The following UBE2F variants were observed in gnomAD, a reference collection of about 807,000 sequenced individuals.
UBE2F encodes ubiquitin conjugating enzyme E2 F (putative), also known as NEDD8-conjugating enzyme UBE2F.
A neutral mutation model predicts 29.6 loss-of-function variants in UBE2F; 5 were observed. That is an observed-to-expected ratio of 0.17 (90% CI 0.09 to 0.36). The LOEUF is 0.36. UBE2F is among the 10% of genes least tolerant of loss of function. UBE2F has a pLI of 1.00. For missense variants in UBE2F, 141 were observed against 228.5 expected, an observed-to-expected ratio of 0.62 and a Z score of 2.47; for synonymous variants, 66 against 81.8, an observed-to-expected ratio of 0.81 and a Z score of 1.04.
At chr2:238,003,896 C>T (rs1373686175) in intron 4 of UBE2F, among the ~76,000 whole-genome samples, 1 of 152,188 alleles carries the variant, frequency 6.6e-6, no homozygotes, top group Non-Finnish European at 1.5e-5. Flanking sequence ...AAAGTTGCCT[C>T]GATCTGCTTT....
chr2:238,005,660 C>G (rs2326004), intron 4 of UBE2F, among the ~76,000 whole-genome samples: 130,251 of 151,698 alleles, frequency 0.86, 56,073 homozygotes, highest in East Asian at 0.97. Flanking sequence ...ATTTGTTGAA[C>G]AGGGTTTTCC....
chr2:238,031,690 G>A (rs1379564528), intron 7 of UBE2F, among the ~76,000 whole-genome samples: 1 of 152,224 alleles, frequency 6.6e-6, no homozygotes, highest in Admixed American at 6.5e-5. Flanking sequence ...CTGGCTTTCA[G>A]TTTTATTTAA....
chr2:238,011,349 C>T (rs1175042652), intron 4 of UBE2F, among the ~76,000 whole-genome samples: 1 of 152,228 alleles, frequency 6.6e-6, no homozygotes, highest in Non-Finnish European at 1.5e-5. Context: ...GTGTCCTTCA[C>T]CCCAGTACCC....
chr2:237,976,405 C>T (rs561386200), intron 2 of UBE2F, among the ~76,000 whole-genome samples: 52 of 152,352 alleles, frequency 3.4e-4, no homozygotes, highest in African/African-American at 9.4e-4. Context: ...CTTTTGTATA[C>T]TGAGCACTTA....
chr2:237,987,067 G>C (rs1292355993), intron 2 of UBE2F, among the ~76,000 whole-genome samples: 2 of 152,110 alleles, frequency 1.3e-5, no homozygotes, highest in African/African-American at 4.8e-5. Context: ...TGAATCTGTA[G>C]ATTGCTTTGG....
At chr2:238,024,016 G>T (rs1173499245) in intron 5 of UBE2F, among the ~76,000 whole-genome samples, 3 of 152,162 alleles carry the variant, frequency 2.0e-5, no homozygotes, top group Non-Finnish European at 4.4e-5. Flanking sequence ...ACTCGGGCAG[G>T]TGTACCATGG....
intron 4 of UBE2F, among the ~76,000 whole-genome samples, chr2:238,001,815 G>C (rs1000681288): frequency 6.6e-6 from 1 of 151,858 alleles, no homozygotes; most frequent in African/African-American, 2.4e-5. Context: ...GCAAGACTCC[G>C]TCTCAACAAA....
At chr2:238,019,879 C>T (rs1226728724) in intron 5 of UBE2F, among the ~76,000 whole-genome samples, 1 of 151,916 alleles carries the variant, frequency 6.6e-6, no homozygotes, top group African/African-American at 2.4e-5. Flanking sequence ...GGGTTGGTCT[C>T]GAACTCCTGA....
intron 2 of UBE2F, among the ~76,000 whole-genome samples, chr2:237,976,050 T>TA (rs2063276617): frequency 6.6e-6 from 1 of 152,254 alleles, no homozygotes; most frequent in African/African-American, 2.4e-5. Flanking sequence ...ATTTTGGCCT[T>TA]ACCTACTAAG....
At chr2:237,975,356 C>T (rs2063260645) in intron 2 of UBE2F, among the ~76,000 whole-genome samples, 2 of 152,066 alleles carry the variant, frequency 1.3e-5, no homozygotes, top group Non-Finnish European at 2.9e-5. Flanking sequence ...GTGATCCACG[C>T]ACCTCGGCCT....
chr2:238,018,299 A>G (rs2064210135), intron 5 of UBE2F, among the ~76,000 whole-genome samples: 1 of 152,236 alleles, frequency 6.6e-6, no homozygotes, highest in African/African-American at 2.4e-5. Context: ...GCTGCTAAAT[A>G]CTTATGACAT....
At chr2:237,987,934 T>C in intron 2 of UBE2F, 29 bp from the exon 3 acceptor site, 2 of 1,324,836 alleles carry the variant, frequency 1.5e-6, no homozygotes, top group South Asian at 1.4e-5. Context: ...AATTGACTAA[T>C]ATTAATAATA....
intron 4 of UBE2F, among the ~76,000 whole-genome samples, chr2:237,998,631 A>G (rs1020461320): frequency 6.7e-6 from 1 of 149,810 alleles, no homozygotes; most frequent in Non-Finnish European, 1.5e-5. Flanking sequence ...TTTTTTTTAC[A>G]AGCTTTTCGT....
Position 238,001,688 on chromosome 2 carries a change from C to T in UBE2F, c.214+6879C>T, listed in dbSNP as rs972796475. On this transcript the variant is annotated intron_variant, in intron 4 of 9. Coordinates refer to ENST00000272930, the MANE Select transcript of UBE2F (RefSeq NM_080678.3). The stretch of plus-strand genomic sequence containing the variant: ...AAACAAAATTAGCAGGGTGTGGTGG[C>T]GGGCGCCTGTAGTCCCAGCTACTTG... Among the ~76,000 whole-genome samples the T allele has an allele frequency of 3.3e-5, 5 of 151,814 alleles. No individual in the cohort carries two copies. In the East Asian group the frequency reaches 5.9e-4, roughly 18 times the overall value.
chr2:238,007,158 A>G (rs184331072), intron 4 of UBE2F, among the ~76,000 whole-genome samples: 4 of 152,136 alleles, frequency 2.6e-5, no homozygotes, highest in South Asian at 2.1e-4. Flanking sequence ...GTCTTGCTCT[A>G]TCGCCAAGGC....
intron 2 of UBE2F, chr2:237,986,417 GTA>G (rs1312833645): frequency 1.9e-5 from 3 of 154,264 alleles, no homozygotes; most frequent in Non-Finnish European, 2.9e-5. Flanking sequence ...ACCTCACAAA[GTA>G]TTGGGATTAC....
chr2:238,035,443 G>GA (rs2064685898), intron 8 of UBE2F: 1 of 181,632 alleles, frequency 5.5e-6, no homozygotes, highest in Admixed American at 5.9e-5. Context: ...GCAGAGAAAG[G>GA]AAAGTCCAGG....
At chr2:238,021,238 G>A (rs1427252512) in intron 5 of UBE2F, among the ~76,000 whole-genome samples, 2 of 152,186 alleles carry the variant, frequency 1.3e-5, no homozygotes, top group African/African-American at 4.8e-5. Flanking sequence ...ACTAAGGAAG[G>A]CCAGTCCTGC....
chr2:238,008,017 G>A (rs138136355), intron 4 of UBE2F, among the ~76,000 whole-genome samples: 11 of 152,208 alleles, frequency 7.2e-5, no homozygotes, highest in South Asian at 4.2e-4. Context: ...ACAGTGGCAC[G>A]ATCACGCCTC....
Sources: gnomAD v4.1 joint callset for allele counts (sites outside exome capture counted in the v4.1 genomes callset) on GRCh38, gnomAD v4.1.1 for gene constraint, MANE v1.5 for transcripts, NCBI Gene and HGNC (gene_info 2026-07-23, HGNC 2026-07-21) for gene names.